The following PRKCB variants were observed in gnomAD, a reference collection of about 807,000 sequenced individuals.
PRKCB encodes the protein protein kinase C beta type.
PRKCB carries 13 observed loss-of-function variants against 81.5 expected under a neutral mutation model. The observed-to-expected ratio is 0.16, with a 90% CI of 0.10 to 0.25. The LOEUF (loss-of-function observed/expected upper bound fraction) is 0.25. PRKCB is among the 10% of genes least tolerant of loss of function. PRKCB has a pLI of 1.00. For synonymous variants in PRKCB, 335 were observed against 321.4 expected (o/e 1.04, Z -0.45); for missense variants, 509 against 875.7 (o/e 0.58, Z 5.29).
At chr16:23,858,839 C>A (rs533031478) in intron 2 of PRKCB, among the ~76,000 whole-genome samples, 1 of 152,296 alleles carries the variant, frequency 6.6e-6, no homozygotes, top group East Asian at 1.9e-4. Context: ...GCTTCACACA[C>A]ATGATCTCAT....
intron 2 of PRKCB, among the ~76,000 whole-genome samples, chr16:23,857,147 T>C (rs933808678): frequency 3.3e-5 from 5 of 152,194 alleles, no homozygotes; most frequent in African/African-American, 9.7e-5. Context: ...TTTTTCCAAA[T>C]AGAATTTTAA....
At chr16:23,837,514 G>C in intron 2 of PRKCB, 108 bp downstream of exon 2, 3 of 1,372,676 alleles carry the variant, frequency 2.2e-6, no homozygotes, top group South Asian at 2.6e-5. Flanking sequence ...ACGTTGGTCG[G>C]AGTGACCTCC....
chr16:24,032,264 T>G lies in PRKCB; in HGVS notation c.400+17T>G. Reference sequence around the variant, plus strand: ...AATGTGACAGTAAGTACTTTTTCTCTCTGGGGGCATCTGCTGATGGCAGAA... The same window carrying G: ...AATGTGACAGTAAGTACTTTTTCTCGCTGGGGGCATCTGCTGATGGCAGAA... On this transcript the variant is annotated intron_variant, in intron 4 of 16. Coordinates refer to ENST00000643927, the MANE Select transcript of PRKCB (RefSeq NM_002738.7). 4 of 1,544,732 alleles carry G rather than the reference T, an allele frequency of 2.6e-6. No individual in the cohort carries two copies. Among genetic ancestry groups the G allele is most frequent in the African/African-American group, 1.4e-5 (1 of 73,474 alleles).
At chr16:23,870,179 T>C (rs1962881223) in intron 2 of PRKCB, among the ~76,000 whole-genome samples, 1 of 152,220 alleles carries the variant, frequency 6.6e-6, no homozygotes, top group Non-Finnish European at 1.5e-5. Context: ...ACCAAACTGA[T>C]ACTTTCTCCT....
intron 7 of PRKCB, among the ~76,000 whole-genome samples, chr16:24,096,666 A>ATATATATATAT (rs1555496499): frequency 4.3e-4 from 14 of 32,598 alleles, no homozygotes; most frequent in African/African-American, 5.8e-4. Context: ...AAAAAAAAAA[A>ATATATATATAT]ATATATATAT....
intron 7 of PRKCB, among the ~76,000 whole-genome samples, chr16:24,107,245 G>T (rs564523605): frequency 1.2e-4 from 19 of 152,278 alleles, no homozygotes; most frequent in African/African-American, 4.6e-4. Flanking sequence ...TTTCTAGAAT[G>T]TTCTCTCTTT....
intron 10 of PRKCB, among the ~76,000 whole-genome samples, chr16:24,164,307 A>G (rs887285634): frequency 1.3e-5 from 2 of 152,112 alleles, no homozygotes; most frequent in Admixed American, 6.5e-5. Context: ...CCTCATACTC[A>G]TGTTCCAAAT....
intron 2 of PRKCB, among the ~76,000 whole-genome samples, chr16:23,938,884 A>G (rs1964100310): frequency 6.6e-6 from 1 of 152,356 alleles, no homozygotes; most frequent in Non-Finnish European, 1.5e-5. Flanking sequence ...GCAAAAAAGA[A>G]AGAAAGAAAG....
chr16:24,127,948 C>A (rs1405636055), intron 9 of PRKCB, among the ~76,000 whole-genome samples: 3 of 152,304 alleles, frequency 2.0e-5, no homozygotes, highest in South Asian at 4.1e-4. Flanking sequence ...ATAGATCAAT[C>A]TCCATAAACA....
At position 24,000,148 on chromosome 16, in the gene PRKCB, C is replaced by T. The variant is rs551050736; in HGVS notation, c.288+11558C>T. Among the ~76,000 whole-genome samples the T allele has an allele frequency of 2.0e-5, 3 of 152,270 alleles. No homozygotes were observed. The South Asian group carries it at 6.2e-4, about 32-fold the overall frequency. On this transcript the variant is annotated intron_variant, in intron 3 of 16. Transcript: ENST00000643927. The stretch of plus-strand genomic sequence containing the variant: ...GTGGTAGAAAAATAGATTCCAGTGC[C>T]TCATTGGAGAGGAAGTATCTATGGT...
chr16:24,027,970 G>A (rs1235774710), intron 3 of PRKCB, among the ~76,000 whole-genome samples: 1 of 152,144 alleles, frequency 6.6e-6, no homozygotes, highest in Non-Finnish European at 1.5e-5. Flanking sequence ...GGGTCTCACT[G>A]TGTTGCCTAG....
intron 12 of PRKCB, among the ~76,000 whole-genome samples, chr16:24,178,301 C>T (rs1390750732): frequency 1.3e-5 from 2 of 152,194 alleles, no homozygotes; most frequent in Non-Finnish European, 2.9e-5. Context: ...AATAATTTCT[C>T]CATCCACCTT....
intron 2 of PRKCB, among the ~76,000 whole-genome samples, chr16:23,868,541 A>G (rs965907954): frequency 6.6e-6 from 1 of 152,246 alleles, no homozygotes. Flanking sequence ...TTATGGATAA[A>G]TAACCTGAGG....
intron 5 of PRKCB, among the ~76,000 whole-genome samples, chr16:24,049,028 C>A (rs1173627600): frequency 1.7e-5 from 2 of 120,050 alleles, no homozygotes; most frequent in African/African-American, 6.5e-5. Flanking sequence ...AAGATGATAA[C>A]ATTTCTTCAA....
intron 2 of PRKCB, among the ~76,000 whole-genome samples, chr16:23,855,319 G>A (rs1962546578): frequency 6.6e-6 from 1 of 152,114 alleles, no homozygotes; most frequent in African/African-American, 2.4e-5. Flanking sequence ...CACATGTGGG[G>A]TCTTAGGCAT....
chr16:23,980,275 G>A (rs889634907), intron 2 of PRKCB, among the ~76,000 whole-genome samples: 3 of 152,252 alleles, frequency 2.0e-5, no homozygotes, highest in African/African-American at 7.2e-5. Flanking sequence ...CATGGAAACA[G>A]TTCGGGAAAT....
chr16:23,950,132 A>AGTTTTTG (rs55986931), intron 2 of PRKCB, among the ~76,000 whole-genome samples: 3 of 97,754 alleles, frequency 3.1e-5, no homozygotes, highest in Non-Finnish European at 5.9e-5. Flanking sequence ...TATGATTTGA[A>AGTTTTTG]TTTTTTTTTT....
At chr16:24,116,023 A>G (rs2141921933) in intron 8 of PRKCB, among the ~76,000 whole-genome samples, 1 of 152,246 alleles carries the variant, frequency 6.6e-6, no homozygotes, top group East Asian at 1.9e-4. Flanking sequence ...CAAGGATTTT[A>G]GCATTTATCC....
chr16:24,011,339 T>C (rs549647830), intron 3 of PRKCB, among the ~76,000 whole-genome samples: 10 of 152,208 alleles, frequency 6.6e-5, no homozygotes, highest in Non-Finnish European at 1.3e-4. Flanking sequence ...TTTTAAACAA[T>C]TCCTTCTGAT....
Sources: gnomAD v4.1 joint callset for allele counts (sites outside exome capture counted in the v4.1 genomes callset) on GRCh38, gnomAD v4.1.1 for gene constraint, MANE v1.5 for transcripts, NCBI Gene and HGNC (gene_info 2026-07-23, HGNC 2026-07-21) for gene names.